The following MAGI1 variants were observed in gnomAD, a reference collection of about 807,000 sequenced individuals.
MAGI1 encodes the protein membrane associated guanylate kinase, WW and PDZ domain containing 1.
Under a neutral mutation model 139.9 loss-of-function variants are expected in MAGI1, and 58 were observed. The ratio of observed to expected loss-of-function variants is 0.41; its 90% CI spans 0.34 to 0.52. The LOEUF (loss-of-function observed/expected upper bound fraction) is 0.52, where lower values mean the gene tolerates loss of function less well. Ranked by LOEUF, MAGI1 falls within the 20% of genes least tolerant of loss-of-function variation. MAGI1 has a pLI of 0.12. For synonymous variants in MAGI1, 812 were observed against 737.9 expected, an observed-to-expected ratio of 1.10 and a Z score of -1.63; for missense variants, 1,874 against 1,901.6, an observed-to-expected ratio of 0.99 and a Z score of 0.27.
intron 5 of MAGI1, among the ~76,000 whole-genome samples, chr3:65,462,951 T>C (rs1004684269): frequency 1.2e-4 from 18 of 152,188 alleles, no homozygotes; most frequent in African/African-American, 3.6e-4. Context: ...ATGCTTGTGA[T>C]TTTTTGCACA....
At chr3:65,612,063 C>A (rs2083153055) in intron 2 of MAGI1, among the ~76,000 whole-genome samples, 1 of 152,038 alleles carries the variant, frequency 6.6e-6, no homozygotes, top group African/African-American at 2.4e-5. Flanking sequence ...TGAACACGAT[C>A]TATCAACATA....
chr3:65,802,100 T>A (rs2108135688), intron 1 of MAGI1, among the ~76,000 whole-genome samples: 1 of 152,168 alleles, frequency 6.6e-6, no homozygotes, highest in Middle Eastern at 3.4e-3. Flanking sequence ...TCCTGGAAAA[T>A]TTGACTTCCA....
intron 1 of MAGI1, among the ~76,000 whole-genome samples, chr3:65,652,845 G>C (rs2085661781): frequency 6.6e-6 from 1 of 152,150 alleles, no homozygotes; most frequent in Non-Finnish European, 1.5e-5. Flanking sequence ...TCGGAAGGCT[G>C]ACACCAATGA....
intron 2 of MAGI1, among the ~76,000 whole-genome samples, chr3:65,550,397 G>A (rs1022742789): frequency 6.6e-5 from 10 of 152,142 alleles, no homozygotes; most frequent in African/African-American, 2.2e-4. Context: ...AAGGCCAAGA[G>A]GGCATCACAC....
chr3:65,373,325 G>T (rs570800651), intron 18 of MAGI1, among the ~76,000 whole-genome samples: 1 of 152,240 alleles, frequency 6.6e-6, no homozygotes, highest in South Asian at 2.1e-4. Flanking sequence ...GAACACATAT[G>T]ACATTTATTG....
At position 65,448,016 on chromosome 3, in the gene MAGI1, G is replaced by A. The variant is rs778933634; in HGVS notation, c.1078+6C>T. 5 of 1,614,054 alleles carry A rather than the reference G, an allele frequency of 3.1e-6. 1 individual carries two copies. Among genetic ancestry groups the A allele is most frequent in the Middle Eastern group, 3.3e-4 (2 of 6,060 alleles). On this transcript the variant is annotated splice_donor_region_variant and intron_variant, in intron 7 of 22. Coordinates refer to ENST00000402939, the MANE Select transcript of MAGI1 (RefSeq NM_001033057.2). Reference sequence around the variant, plus strand: ...CATGCAGCAGCAGCAGGCAGGGAGGGTTTACCTAGTTCACTGTCCAGCTCC... The same window carrying A: ...CATGCAGCAGCAGCAGGCAGGGAGGATTTACCTAGTTCACTGTCCAGCTCC...
At chr3:65,812,699 C>CTTT (rs539502538) in intron 1 of MAGI1, among the ~76,000 whole-genome samples, 949 of 72,906 alleles carry the variant, frequency 0.013, 89 homozygotes, top group Non-Finnish European at 0.018. Context: ...AGTTAGTTTA[C>CTTT]TTTTTTTTTT....
In MAGI1 at chr3:65,819,013, C is replaced by T. The variant is rs542689071; in HGVS notation, c.314-196925G>A. Reference sequence around the variant, plus strand: ...ATTAACAAGGCATATGGTCCAGGAACAGTGGCTCATGCTTTGTAATCCCAA... The same window carrying T: ...ATTAACAAGGCATATGGTCCAGGAATAGTGGCTCATGCTTTGTAATCCCAA... On this transcript the variant is annotated intron_variant, in intron 1 of 22. Transcript: ENST00000402939. Among the ~76,000 whole-genome samples, 3 of 151,594 alleles carry T rather than the reference C, an allele frequency of 2.0e-5. No homozygotes were observed. The East Asian group carries it at 5.8e-4, about 29-fold the overall frequency.
chr3:65,930,181 T>C lies in MAGI1; in HGVS notation c.313+107815A>G, dbSNP rs1027077994. Among the ~76,000 whole-genome samples, 14 of 151,732 alleles carry C rather than the reference T, an allele frequency of 9.2e-5. No individual in the cohort carries two copies. In the East Asian group the frequency reaches 2.5e-3, roughly 28 times the overall value. On this transcript the variant is annotated intron_variant, in intron 1 of 22. Transcript: ENST00000402939. ...AATACAAAAAATTAGTCGGGCGCAG[T>C]GGCGGGCGCCTGTAGTCCCGGCTAC...
intron 1 of MAGI1, among the ~76,000 whole-genome samples, chr3:65,769,430 A>C (rs2107929966): frequency 6.6e-6 from 1 of 152,294 alleles, no homozygotes; most frequent in Non-Finnish European, 1.5e-5. Context: ...TTTAGGCTGC[A>C]GTAAGCTATG....
chr3:65,359,737 G>C, intron 22 of MAGI1: 1 of 985,666 alleles, frequency 1.0e-6, no homozygotes, highest in Non-Finnish European at 1.2e-6. Flanking sequence ...ACCCTTCTTG[G>C]AAAACCATGT....
At chr3:65,360,135 C>T in intron 22 of MAGI1, 1 of 985,362 alleles carries the variant, frequency 1.0e-6, no homozygotes, top group Non-Finnish European at 1.2e-6. Context: ...AAGGAGCTAT[C>T]CTTCTCCTTG....
At chr3:65,740,771 A>T (rs1343616894) in intron 1 of MAGI1, among the ~76,000 whole-genome samples, 2 of 152,244 alleles carry the variant, frequency 1.3e-5, no homozygotes, top group Non-Finnish European at 2.9e-5. Flanking sequence ...GAAAAAATAC[A>T]TATTAAGATT....
rs145626372 is a variant in MAGI1, at chr3:66,017,252, C to A, written c.313+20744G>T. Among the ~76,000 whole-genome samples, 388 of 152,326 alleles carry A rather than the reference C, an allele frequency of 2.5e-3. 2 individuals are homozygous for A. Among genetic ancestry groups the A allele is most frequent in the Non-Finnish European group, 4.1e-3 (277 of 68,032 alleles). ...GTAGGAGTTAGTCAGTGCGGGAAGA[C>A]GCAAGCACTTGTGTCTCAACACGCG... is the stretch of plus-strand genomic sequence containing the variant. On this transcript the variant is annotated intron_variant, in intron 1 of 22. Coordinates refer to ENST00000402939, the MANE Select transcript of MAGI1 (RefSeq NM_001033057.2).
chr3:65,609,763 G>T, intron 2 of MAGI1: 1 of 343,942 alleles, frequency 2.9e-6, no homozygotes, highest in Non-Finnish European at 5.9e-6. Flanking sequence ...TTTTTGTAGA[G>T]ATGGGGTCTC....
chr3:65,425,099 T>A, intron 12 of MAGI1, among the ~76,000 whole-genome samples: 1 of 60,604 alleles, frequency 1.7e-5, no homozygotes, highest in Non-Finnish European at 4.0e-5. Flanking sequence ...AACCTACCAG[T>A]AGAACTTCTA....
intron 2 of MAGI1, among the ~76,000 whole-genome samples, chr3:65,599,494 G>A (rs987395150): frequency 6.6e-6 from 1 of 152,150 alleles, no homozygotes; most frequent in Non-Finnish European, 1.5e-5. Flanking sequence ...ACTGGAGTCA[G>A]ACTCACTAGG....
At chr3:65,395,180 G>A (rs919370927) in intron 13 of MAGI1, among the ~76,000 whole-genome samples, 3 of 152,114 alleles carry the variant, frequency 2.0e-5, no homozygotes, top group Admixed American at 6.5e-5. Flanking sequence ...TGTAAATAAG[G>A]AATAGATGGT....
At chr3:65,551,324 G>C (rs933036675) in intron 2 of MAGI1, among the ~76,000 whole-genome samples, 2 of 151,936 alleles carry the variant, frequency 1.3e-5, no homozygotes, top group African/African-American at 4.8e-5. Flanking sequence ...TTTTTGAGAC[G>C]GAGTCTCACA....
Sources: gnomAD v4.1 joint callset for allele counts (sites outside exome capture counted in the v4.1 genomes callset) on GRCh38, gnomAD v4.1.1 for gene constraint, MANE v1.5 for transcripts, NCBI Gene and HGNC (gene_info 2026-07-23, HGNC 2026-07-21) for gene names.